Variants in PPFIA1 observed in about 807,000 individuals in gnomAD.
The protein encoded by PPFIA1 is PPFI scaffold protein A1.
PPFIA1 carries 25 observed loss-of-function variants against 149.9 expected under a neutral mutation model. The observed-to-expected ratio is 0.17, with a 90% confidence interval of 0.12 to 0.23. The LOEUF (loss-of-function observed/expected upper bound fraction) is 0.23, where lower values mean the gene tolerates loss of function less well. Ranked by LOEUF, PPFIA1 falls within the 10% of genes least tolerant of loss-of-function variation. The pLI is 1.00. For synonymous variants in PPFIA1, 549 were observed against 552.8 expected (o/e 0.99, Z 0.10); for missense variants, 1,362 against 1,506.5 (o/e 0.90, Z 1.59).
At chr11:70,337,838 G>A (rs942379118) in intron 12 of PPFIA1, among the ~76,000 whole-genome samples, 8 of 152,088 alleles carry the variant, frequency 5.3e-5, no homozygotes, top group African/African-American at 1.9e-4. Context: ...AGAAACAAGT[G>A]AGCTACTTTG....
chr11:70,314,934 G>A (rs2053506595), intron 2 of PPFIA1, among the ~76,000 whole-genome samples: 2 of 152,196 alleles, frequency 1.3e-5, no homozygotes, highest in South Asian at 2.1e-4. Context: ...CAAAGGAGAA[G>A]CAGGCACCTT....
chr11:70,331,998 A>C lies in PPFIA1; in HGVS notation c.1116A>C (p.Glu372Asp). ...DKNRQLQERL[E>D]LAEQKLQQTL... ...ACCGCCAGTTACAGGAGCGCTTGGA[A>C]TTGGCAGAGCAAAAGCTGCAACAGA... Residue 372 changes from glutamate to aspartate, a missense_variant, in exon 9 of 28, where the codon GAA (glutamate) becomes GAC (aspartate). Glu to Asp is a conservative substitution (Grantham distance 45, BLOSUM62 2). Transcript: ENST00000253925. 1 of 1,613,136 alleles carries C rather than the reference A, an allele frequency of 6.2e-7. No homozygotes were observed. The highest frequency in any genetic ancestry group is 1.1e-5 in the South Asian group (1 of 90,928).
chr11:70,315,562 G>C (rs1277444460), intron 2 of PPFIA1, among the ~76,000 whole-genome samples: 3 of 151,884 alleles, frequency 2.0e-5, no homozygotes, highest in South Asian at 2.1e-4. Flanking sequence ...TCTACTGCCT[G>C]AAGATCACAG....
At chr11:70,358,417 T>G (rs985047224) in intron 19 of PPFIA1, 1 of 152,182 alleles carries the variant, frequency 6.6e-6, no homozygotes, top group Non-Finnish European at 1.5e-5. Context: ...GAGATGGGGT[T>G]TCACCATGTT....
At position 70,270,860 on chromosome 11, in the gene PPFIA1, CAGCCGCCCGCG is replaced by C. The variant is rs1372356332; in HGVS notation, c.-47_-37del. The C allele has an allele frequency of 2.7e-5, 4 of 150,716 alleles. No homozygotes were observed. Among genetic ancestry groups the C allele is most frequent in the Middle Eastern group, 3.4e-3 (1 of 290 alleles). The allele number at this position is 150,716 out of a possible 1,614,324, so 9.3% of individuals were successfully genotyped here. A position where few individuals can be genotyped will look rare whatever the true frequency, so the allele number is the denominator to read the frequency against. ...GGCTCCCAAGCTCTCCCGGAGCGAG[CAGCCGCCCGCG>C]AGCCGCCGCGGAGCCTCCTCGCCCG... On this transcript the variant is annotated 5_prime_UTR_variant, in exon 1 of 28. Coordinates refer to ENST00000253925, the MANE Select transcript of PPFIA1 (RefSeq NM_003626.5).
At position 70,281,841 on chromosome 11, in the gene PPFIA1, A is replaced by G. The variant is rs142007526; in HGVS notation, c.264+9405A>G. Among the ~76,000 whole-genome samples the G allele has an allele frequency of 1.2e-3, 183 of 152,274 alleles. 1 individual carries two copies. The highest frequency in any genetic ancestry group is 4.0e-3 in the African/African-American group (168 of 41,562). On this transcript the variant is annotated intron_variant, in intron 2 of 27. Transcript: ENST00000253925. ...TCTCTTTGATGCCTGCAGACTTTCA[A>G]GTCATACTCACCTTTTCTAGTTTTT... is the stretch of plus-strand genomic sequence containing the variant.
chr11:70,374,790 C>T, intron 23 of PPFIA1, 128 bp from the exon 24 acceptor site: 1 of 804,960 alleles, frequency 1.2e-6, no homozygotes, highest in East Asian at 2.8e-5. Flanking sequence ...AGCAGTGTCT[C>T]CCAGCACTTT....
chr11:70,284,123 T>C (rs1227769310), intron 2 of PPFIA1: 3 of 446,350 alleles, frequency 6.7e-6, no homozygotes, highest in African/African-American at 2.1e-5. Context: ...AGCTTAACTT[T>C]AGTGAACAAA....
chr11:70,272,041 C>T lies in PPFIA1; in HGVS notation c.1-132C>T, dbSNP rs112623356. The T allele has an allele frequency of 5.8e-5, 60 of 1,027,388 alleles. No homozygotes were observed. In the African/African-American group the frequency reaches 9.1e-4, roughly 16 times the overall value. The allele number at this position is 1,027,388 out of a possible 1,614,324, so 63.6% of individuals were successfully genotyped here. A position where few individuals can be genotyped will look rare whatever the true frequency, so the allele number is the denominator to read the frequency against. On this transcript the variant is annotated intron_variant, in intron 1 of 27. Transcript: ENST00000253925. Reference sequence around the variant, plus strand: ...TGTGTATGTTTTCCCAGCTTATTTACACACAAAGCATAACAGATCTGAGCA... The same window carrying T: ...TGTGTATGTTTTCCCAGCTTATTTATACACAAAGCATAACAGATCTGAGCA...
intron 10 of PPFIA1, 103 bp from the exon 11 acceptor site, chr11:70,335,460 A>T: frequency 7.4e-7 from 1 of 1,348,700 alleles, no homozygotes; most frequent in Non-Finnish European, 1.0e-6. Context: ...CAACTGGGGG[A>T]GGGGAGGGCA....
At chr11:70,297,795 G>T (rs1417941162) in intron 2 of PPFIA1, among the ~76,000 whole-genome samples, 1 of 152,194 alleles carries the variant, frequency 6.6e-6, no homozygotes, top group Non-Finnish European at 1.5e-5. Flanking sequence ...ACCAGCAGAT[G>T]CAGGAGAGGC....
At chr11:70,279,905 A>ATTGTGTGTGTGTGTGTGTGTGTG (rs368563994) in intron 2 of PPFIA1, among the ~76,000 whole-genome samples, 18 of 144,974 alleles carry the variant, frequency 1.2e-4, no homozygotes, top group African/African-American at 4.8e-4. Context: ...TGTGTGGGGG[A>ATTGTGTGTGTGTGTGTGTGTGTG]TGTGTGTGTG....
At chr11:70,351,670 C>T (rs527985468) in intron 16 of PPFIA1, among the ~76,000 whole-genome samples, 2 of 152,218 alleles carry the variant, frequency 1.3e-5, no homozygotes, top group African/African-American at 4.8e-5. Context: ...ATGCTCAACC[C>T]GTATTTAATC....
At chr11:70,326,932 TG>T in intron 7 of PPFIA1, 114 bp downstream of exon 7, 1 of 846,024 alleles carries the variant, frequency 1.2e-6, no homozygotes, top group Non-Finnish European at 1.8e-6. Context: ...TTTCAACCTT[TG>T]GATTATTGTA....
In PPFIA1 at chr11:70,348,408, C is replaced by T. The variant is rs148399004; in HGVS notation, c.2151C>T (p.Gly717=). 1.6e-4 allele frequency: 255 copies of T among 1,608,418 alleles called. No individual in the cohort carries two copies. The highest frequency in any genetic ancestry group is 2.7e-4 in the African/African-American group (20 of 74,776). Residue 717 remains glycine, a synonymous_variant, in exon 16 of 28, where the codon GGC becomes GGT. Coordinates refer to ENST00000253925, the MANE Select transcript of PPFIA1 (RefSeq NM_003626.5). The stretch of plus-strand genomic sequence containing the variant: ...CAGCTCGGGAAGTGGACAGACTGGG[C>T]GTCATGACCCTTGTACGTATCCGCC... The part of the protein sequence containing the change: ...HSPAREVDRL[G]VMTLLPPSRE...
At chr11:70,285,312 A>G (rs1313888614) in intron 2 of PPFIA1, among the ~76,000 whole-genome samples, 2 of 152,068 alleles carry the variant, frequency 1.3e-5, no homozygotes, top group African/African-American at 4.8e-5. Flanking sequence ...TGGAGGGAAG[A>G]ATGGACCTAG....
chr11:70,336,179 A>G (rs1233773639), intron 11 of PPFIA1, among the ~76,000 whole-genome samples: 2 of 152,008 alleles, frequency 1.3e-5, no homozygotes, highest in African/African-American at 4.8e-5. Context: ...TTTGGGCCCA[A>G]CCCTCACCCC....
intron 10 of PPFIA1, among the ~76,000 whole-genome samples, chr11:70,335,119 A>AT (rs967394674): frequency 5.3e-5 from 8 of 151,708 alleles, no homozygotes; most frequent in African/African-American, 1.7e-4. Flanking sequence ...CTCTAGCACA[A>AT]TTTTTTTTTC....
intron 2 of PPFIA1, among the ~76,000 whole-genome samples, chr11:70,305,441 C>G (rs1159458337): frequency 6.6e-6 from 1 of 152,092 alleles, no homozygotes; most frequent in African/African-American, 2.4e-5. Flanking sequence ...GGCATGATCA[C>G]GGCTCCTGCA....
Sources: allele counts gnomAD v4.1 joint callset (sites outside exome capture counted in the v4.1 genomes callset), GRCh38; gene constraint gnomAD v4.1.1; transcripts MANE v1.5; gene names NCBI Gene and HGNC (gene_info 2026-07-23, HGNC 2026-07-21).